Variants in DCHS2 observed in about 807,000 individuals in gnomAD.
DCHS2 encodes dachsous cadherin-related 2, also known as protocadherin-23.
A neutral mutation model predicts 182.4 loss-of-function variants in DCHS2; 142 were observed. That is an observed-to-expected ratio of 0.78 (90% confidence interval 0.68 to 0.89). The LOEUF (loss-of-function observed/expected upper bound fraction) is 0.89. Among genes scored for constraint, DCHS2 ranks in the 40% least tolerant of loss-of-function variants. The pLI is 0.00. For missense variants in DCHS2, 4,319 were observed against 4,198.6 expected (o/e 1.03, Z -0.79); for synonymous variants, 1,740 against 1,663.3 (o/e 1.05, Z -1.12).
At chr4:154,415,846 C>T (rs760544420) in intron 1 of DCHS2, among the ~76,000 whole-genome samples, 2 of 152,156 alleles carry the variant, frequency 1.3e-5, no homozygotes, top group Non-Finnish European at 2.9e-5. Flanking sequence ...GATGGACAGA[C>T]TTGTAGGAAG....
At position 154,333,353 on chromosome 4, in the gene DCHS2, G is replaced by T; in HGVS notation, c.2855C>A (p.Ala952Glu). ...GCAGGCTGGGGCGCTGCCGAGCTGC[G>T]CCTGCACCGTGAGCACAACCACGGG... ...TQPVVVLTVQ[A>E]QLGSAPACSS... is the part of the protein sequence containing the mutation. Residue 952 changes from alanine (A) to glutamate (E), a missense_variant, in exon 5 of 20, where the codon GCG becomes GAG. By Grantham distance (107) the Ala-to-Glu change is moderately radical. Transcript: ENST00000357232. 2 of 1,614,126 alleles carry T rather than the reference G, an allele frequency of 1.2e-6. No individual in the cohort carries two copies. The highest frequency in any genetic ancestry group is 8.5e-7 in the Non-Finnish European group (1 of 1,180,016).
At chr4:154,268,964 G>A (rs1733436925) in intron 14 of DCHS2, 1 of 152,150 alleles carries the variant, frequency 6.6e-6, no homozygotes, top group African/African-American at 2.4e-5. Context: ...TCGTTCCTAA[G>A]CATTTTAATC....
intron 1 of DCHS2, among the ~76,000 whole-genome samples, chr4:154,404,090 A>G (rs183940051): frequency 2.6e-5 from 4 of 151,984 alleles, no homozygotes; most frequent in Admixed American, 6.6e-5. Context: ...CCTCTTTGTA[A>G]TTCTTTGCTT....
intron 1 of DCHS2, chr4:154,384,245 T>A: frequency 2.8e-6 from 4 of 1,432,912 alleles, no homozygotes. Context: ...CGAGGCTTGA[T>A]CTTTATTTTC....
intron 1 of DCHS2, among the ~76,000 whole-genome samples, chr4:154,402,534 T>C (rs1463764839): frequency 6.6e-6 from 1 of 152,206 alleles, no homozygotes; most frequent in Non-Finnish European, 1.5e-5. Flanking sequence ...AAGACATACC[T>C]GAGACTGGTA....
At chr4:154,445,188 A>G (rs1734228627) in intron 1 of DCHS2, among the ~76,000 whole-genome samples, 1 of 152,210 alleles carries the variant, frequency 6.6e-6, no homozygotes, top group African/African-American at 2.4e-5. Flanking sequence ...CCCTTAAGGC[A>G]GAGATATTGG....
In DCHS2 at chr4:154,409,993, C is replaced by T. The variant is rs75369076; in HGVS notation, c.2053-32549G>A. ...AAGTCATCACACCCTTCCCAACTGG[C>T]ACACTAAGACCCACCTGTAGTGAAA... On this transcript the variant is annotated intron_variant, in intron 1 of 19. Transcript: ENST00000357232. 4.5e-3 allele frequency among the ~76,000 whole-genome samples: 685 copies of T among 152,242 alleles called. 4 individuals are homozygous for T. Among genetic ancestry groups the T allele is most frequent in the African/African-American group, 0.016 (654 of 41,534 alleles).
chr4:154,361,940 T>A (rs1730143413), intron 3 of DCHS2, among the ~76,000 whole-genome samples: 1 of 152,002 alleles, frequency 6.6e-6, no homozygotes, highest in Non-Finnish European at 1.5e-5. Context: ...AAAGAAAGCA[T>A]CAAAATGAAA....
intron 13 of DCHS2, among the ~76,000 whole-genome samples, chr4:154,294,443 G>A (rs1045571756): frequency 6.6e-6 from 1 of 152,066 alleles, no homozygotes; most frequent in African/African-American, 2.4e-5. Flanking sequence ...ATTTCTTGAT[G>A]CTTGATCTAA....
At chr4:154,300,827 T>C (rs1735170188) in intron 12 of DCHS2, among the ~76,000 whole-genome samples, 2 of 152,166 alleles carry the variant, frequency 1.3e-5, no homozygotes, top group Admixed American at 1.3e-4. Context: ...ATTGCAAAGA[T>C]ATTAAGGAGA....
Position 154,297,993 on chromosome 4 carries a change from C to G in DCHS2, c.6321G>C (p.Trp2107Cys). ...QNPSSEYFPI[W>C]LQLKVTDQGI... is the part of the protein sequence containing the mutation. ...CCTGGTCTGTAACTTTTAACTGCAG[C>G]CAGATAGGGAAGTATTCTGAAGATG... Residue 2107 changes from tryptophan to cysteine, a missense_variant, in exon 13 of 20, where the codon TGG becomes TGC. Coordinates refer to ENST00000357232, the MANE Select transcript of DCHS2 (RefSeq NM_001358235.2). 6.2e-7 allele frequency: 1 copy of G among 1,614,038 alleles called. No individual in the cohort carries two copies. Among genetic ancestry groups the G allele is most frequent in the Non-Finnish European group, 8.5e-7 (1 of 1,179,988 alleles).
rs908045776 is a variant in DCHS2 at position 154,333,340 on chromosome 4, G to A, written c.2868C>T (p.Ser956=). The stretch of plus-strand genomic sequence containing the variant: ...CCTCGGTGCTGCTGCAGGCTGGGGC[G>A]CTGCCGAGCTGCGCCTGCACCGTGA... The part of the protein sequence containing the change: ...VVLTVQAQLG[S]APACSSTEVN... Residue 956 remains serine (S), a synonymous_variant, in exon 5 of 20, where the codon AGC becomes AGT. Transcript: ENST00000357232. 8.7e-6 allele frequency: 14 copies of A among 1,613,972 alleles called. No individual in the cohort carries two copies. The highest frequency in any genetic ancestry group is 1.2e-5 in the Non-Finnish European group (14 of 1,180,036).
At chr4:154,361,046 C>T (rs1305959414) in intron 3 of DCHS2, among the ~76,000 whole-genome samples, 1 of 152,084 alleles carries the variant, frequency 6.6e-6, no homozygotes. Context: ...GAACTGGCTT[C>T]CATTTATTCC....
chr4:154,408,311 G>T (rs1732482063), intron 1 of DCHS2, among the ~76,000 whole-genome samples: 1 of 152,084 alleles, frequency 6.6e-6, no homozygotes, highest in Admixed American at 6.5e-5. Context: ...GATGGTGCCA[G>T]AGCTATATTT....
intron 10 of DCHS2, among the ~76,000 whole-genome samples, chr4:154,305,493 A>G (rs2111301525): frequency 6.6e-6 from 1 of 152,246 alleles, no homozygotes; most frequent in South Asian, 2.1e-4. Flanking sequence ...TTCCCATAAA[A>G]AATTTCTTAT....
At chr4:154,296,038 T>A (rs1238156606) in intron 13 of DCHS2, among the ~76,000 whole-genome samples, 1 of 152,228 alleles carries the variant, frequency 6.6e-6, no homozygotes, top group Non-Finnish European at 1.5e-5. Context: ...TATTTACTTT[T>A]AATCGGGGTA....
At chr4:154,349,158 T>G (rs1729489760) in intron 3 of DCHS2, among the ~76,000 whole-genome samples, 1 of 151,984 alleles carries the variant, frequency 6.6e-6, no homozygotes. Context: ...CACCTCGATG[T>G]GTTCCAGTGA....
intron 1 of DCHS2, among the ~76,000 whole-genome samples, chr4:154,381,426 A>G (rs1305985337): frequency 6.6e-6 from 1 of 152,130 alleles, no homozygotes; most frequent in Non-Finnish European, 1.5e-5. Flanking sequence ...CAGTACGGGA[A>G]GTCCTAGCCA....
rs1265207182 is a variant in DCHS2 at position 154,490,894 on chromosome 4, C to T, written c.462G>A (p.Glu154=). The T allele has an allele frequency of 5.2e-6, 8 of 1,551,302 alleles. No homozygotes were observed. The highest frequency in any genetic ancestry group is 7.0e-6 in the Non-Finnish European group (8 of 1,146,932). Residue 154 remains glutamate, a synonymous_variant, in exon 1 of 20, where the codon GAG becomes GAA. Transcript: ENST00000357232. ...ATLLGAVVQV[E]IRVNDVNDHS... Reference sequence around the variant, plus strand: ...GGTCATTCACGTCGTTGACGCGAATCTCCACCTGCACCACAGCGCCCAGCA... The same window carrying T: ...GGTCATTCACGTCGTTGACGCGAATTTCCACCTGCACCACAGCGCCCAGCA...
Sources: allele counts gnomAD v4.1 joint callset (sites outside exome capture counted in the v4.1 genomes callset), GRCh38; gene constraint gnomAD v4.1.1; transcripts MANE v1.5; gene names NCBI Gene and HGNC (gene_info 2026-07-23, HGNC 2026-07-21).